The following BCL2L1 variants were observed in gnomAD, a reference collection of about 807,000 sequenced individuals.
BCL2L1 encodes the protein BCL2 like 1, also known as bcl-2-like protein 1.
In BCL2L1, 1 loss-of-function variant was observed where a neutral mutation model predicts 18.7. The ratio of observed to expected loss-of-function variants is 0.05; its 90% CI spans 0.02 to 0.25. The LOEUF is 0.25. BCL2L1 is among the 10% of genes least tolerant of loss of function. The probability of loss-of-function intolerance (pLI) is 1.00; values close to 1 mark genes in which losing one functional copy is unlikely to be tolerated. For synonymous variants in BCL2L1, 103 were observed against 122.7 expected, an observed-to-expected ratio of 0.84 and a Z score of 1.06; for missense variants, 207 against 304.9, an observed-to-expected ratio of 0.68 and a Z score of 2.39.
intron 2 of BCL2L1, among the ~76,000 whole-genome samples, chr20:31,721,165 A>C (rs1332943819): frequency 6.6e-6 from 1 of 152,216 alleles, no homozygotes; most frequent in Non-Finnish European, 1.5e-5. Flanking sequence ...CAAACTTTGA[A>C]ATAAAGGGAA....
At chr20:31,685,491 A>T (rs1158954542) in intron 2 of BCL2L1, among the ~76,000 whole-genome samples, 1 of 152,126 alleles carries the variant, frequency 6.6e-6, no homozygotes, top group African/African-American at 2.4e-5. Flanking sequence ...ATTGTAAACC[A>T]CTGGTATTTT....
chr20:31,697,902 T>TGTTTGTTTG (rs1568880212), intron 2 of BCL2L1, among the ~76,000 whole-genome samples: 1 of 148,706 alleles, frequency 6.7e-6, no homozygotes, highest in African/African-American at 2.5e-5. Flanking sequence ...GTTTTTTTTT[T>TGTTTGTTTG]TTTGAGACGG....
chr20:31,672,845 C>A (rs1056247806), intron 2 of BCL2L1, among the ~76,000 whole-genome samples: 1 of 152,130 alleles, frequency 6.6e-6, no homozygotes, highest in Non-Finnish European at 1.5e-5. Context: ...CCTGGCTTCA[C>A]TGCCCACATT....
chr20:31,676,502 G>A (rs1334341990), intron 2 of BCL2L1, among the ~76,000 whole-genome samples: 1 of 152,068 alleles, frequency 6.6e-6, no homozygotes, highest in African/African-American at 2.4e-5. Context: ...GGATTCCGAT[G>A]CCTCCCGTCA....
intron 2 of BCL2L1, among the ~76,000 whole-genome samples, chr20:31,693,816 T>C (rs914627173): frequency 4.6e-5 from 7 of 152,214 alleles, no homozygotes; most frequent in Non-Finnish European, 1.0e-4. Flanking sequence ...ATTACAGGCA[T>C]AAGCCATCAT....
chr20:31,719,532 A>T (rs890155525), intron 2 of BCL2L1, among the ~76,000 whole-genome samples: 2 of 152,176 alleles, frequency 1.3e-5, no homozygotes, highest in African/African-American at 4.8e-5. Flanking sequence ...GTGCTCAGAA[A>T]TGGTTCTGAT....
chr20:31,679,919 G>C (rs2060829984), intron 2 of BCL2L1, among the ~76,000 whole-genome samples: 1 of 152,192 alleles, frequency 6.6e-6, no homozygotes, highest in Non-Finnish European at 1.5e-5. Flanking sequence ...GGCCTCAAGT[G>C]ATCTGCCTGC....
At chr20:31,666,134 T>G (rs112926293) in intron 2 of BCL2L1, 48 bp from the exon 3 acceptor site, 1 of 1,604,560 alleles carries the variant, frequency 6.2e-7, no homozygotes, top group Non-Finnish European at 8.5e-7. Flanking sequence ...CAGAGAGTGA[T>G]GTAGGTGGGT....
chr20:31,682,935 C>A (rs750322593), intron 2 of BCL2L1, among the ~76,000 whole-genome samples: 1 of 152,152 alleles, frequency 6.6e-6, no homozygotes, highest in Non-Finnish European at 1.5e-5. Context: ...TAGAGTCCCA[C>A]CATTTCCCAC....
intron 2 of BCL2L1, chr20:31,713,344 G>A (rs1356803753): frequency 4.1e-6 from 4 of 985,260 alleles, no homozygotes; most frequent in Non-Finnish European, 4.8e-6. Flanking sequence ...AGGGAGCAAA[G>A]AAAGTAATGG....
intron 2 of BCL2L1, among the ~76,000 whole-genome samples, chr20:31,712,299 C>T (rs531971094): frequency 6.8e-4 from 103 of 152,282 alleles, no homozygotes; most frequent in Non-Finnish European, 1.2e-3. Context: ...TTGCCTCTTA[C>T]TAACTGTGCT....
intron 2 of BCL2L1, among the ~76,000 whole-genome samples, chr20:31,694,205 C>T (rs1048539493): frequency 6.6e-6 from 1 of 152,072 alleles, no homozygotes; most frequent in African/African-American, 2.4e-5. Flanking sequence ...TGACCTGATA[C>T]ATGTGAGAGG....
At chr20:31,701,236 C>T (rs6060796) in intron 2 of BCL2L1, among the ~76,000 whole-genome samples, 55,883 of 151,866 alleles carry the variant, frequency 0.37, 12,358 homozygotes, top group African/African-American at 0.61. Context: ...TGTATTTTAG[C>T]AGAGACAGGG....
At chr20:31,681,701 G>T (rs1264817398) in intron 2 of BCL2L1, among the ~76,000 whole-genome samples, 1 of 152,194 alleles carries the variant, frequency 6.6e-6, no homozygotes, top group African/African-American at 2.4e-5. Flanking sequence ...ATTAGATGTG[G>T]ACTGTGGGAG....
chr20:31,723,397 C>T, upstream of BCL2L1: 1 of 985,512 alleles, frequency 1.0e-6, no homozygotes, highest in Non-Finnish European at 1.2e-6. Flanking sequence ...ACAGCTGAGA[C>T]CACGTTTTCC....
At chr20:31,690,102 CT>C (rs1280780674) in intron 2 of BCL2L1, among the ~76,000 whole-genome samples, 1 of 152,116 alleles carries the variant, frequency 6.6e-6, no homozygotes, top group Non-Finnish European at 1.5e-5. Flanking sequence ...TTTTTTCCCC[CT>C]GTGACAGGGT....
In BCL2L1 at chr20:31,713,376, C is replaced by T. The variant is rs1401024412; in HGVS notation, c.564+8279G>A. The T allele has an allele frequency of 1.9e-5, 19 of 985,222 alleles. 1 individual carries two copies. In the Admixed American group the frequency reaches 3.1e-4, roughly 16 times the overall value. The allele number at this position is 985,222 out of a possible 1,614,324, so 61.0% of individuals were successfully genotyped here. On this transcript the variant is annotated intron_variant, in intron 2 of 2. Coordinates refer to ENST00000307677, the MANE Select transcript of BCL2L1 (RefSeq NM_138578.3). ...ATGGACAAGAGGAAAGGCAGGGACA[C>T]GTCCAAAAAAAGTAGTTTTTGGGGG...
chr20:31,719,661 C>T (rs774864268), intron 2 of BCL2L1, among the ~76,000 whole-genome samples: 1 of 152,192 alleles, frequency 6.6e-6, no homozygotes, highest in Non-Finnish European at 1.5e-5. Flanking sequence ...ATTTCAACCC[C>T]ATGGAGATCT....
At chr20:31,701,093 C>T (rs1403743767) in intron 2 of BCL2L1, among the ~76,000 whole-genome samples, 3 of 151,962 alleles carry the variant, frequency 2.0e-5, no homozygotes, top group East Asian at 1.9e-4. Context: ...CTTGCTCTGT[C>T]GCCAGGCCGG....
Sources: gnomAD v4.1 joint callset for allele counts (sites outside exome capture counted in the v4.1 genomes callset) on GRCh38, gnomAD v4.1.1 for gene constraint, MANE v1.5 for transcripts, NCBI Gene and HGNC (gene_info 2026-07-23, HGNC 2026-07-21) for gene names.